The following VPS13C variants were observed in gnomAD, a reference collection of about 807,000 sequenced individuals.
VPS13C encodes the protein intermembrane lipid transfer protein VPS13C.
A neutral mutation model predicts 456.8 loss-of-function variants in VPS13C; 358 were observed. The ratio of observed to expected loss-of-function variants is 0.78; its 90% CI spans 0.72 to 0.86. The LOEUF is 0.86. VPS13C is among the 40% of genes least tolerant of loss of function. The pLI is 0.00. For missense variants in VPS13C, 4,818 were observed against 4,385.4 expected, an observed-to-expected ratio of 1.10 and a Z score of -2.79; for synonymous variants, 1,578 against 1,486.7, an observed-to-expected ratio of 1.06 and a Z score of -1.41.
At chr15:61,876,840 G>A in intron 75 of VPS13C, 133 bp downstream of exon 75, 2 of 592,494 alleles carry the variant, frequency 3.4e-6, no homozygotes, top group Non-Finnish European at 5.4e-6. Context: ...AATCATTGAA[G>A]AAAGCCACTA....
intron 1 of VPS13C, among the ~76,000 whole-genome samples, chr15:62,056,489 G>A (rs2048804350): frequency 6.6e-6 from 1 of 152,158 alleles, no homozygotes; most frequent in South Asian, 2.1e-4. Context: ...CTAGGAAGAC[G>A]CCCGTTGCCG....
intron 66 of VPS13C, among the ~76,000 whole-genome samples, chr15:61,898,159 T>C (rs1469710395): frequency 6.6e-6 from 1 of 151,814 alleles, no homozygotes; most frequent in Non-Finnish European, 1.5e-5. Context: ...TGCCAAAATG[T>C]AAAGACCATC....
chr15:62,023,305 T>A (rs1266854928), intron 8 of VPS13C, 106 bp downstream of exon 8: 6 of 671,748 alleles, frequency 8.9e-6, no homozygotes, highest in Non-Finnish European at 1.4e-5. Context: ...AAGAAAAAAA[T>A]TAATCTCGGA....
At chr15:61,889,635 T>C (rs774338015) in intron 67 of VPS13C, among the ~76,000 whole-genome samples, 7 of 152,184 alleles carry the variant, frequency 4.6e-5, no homozygotes, top group Non-Finnish European at 7.4e-5. Context: ...ACTGGTCCCA[T>C]AACTATTAGA....
intron 69 of VPS13C, 109 bp downstream of exon 69, chr15:61,882,487 A>T: frequency 9.1e-7 from 1 of 1,098,846 alleles, no homozygotes; most frequent in Non-Finnish European, 1.2e-6. Flanking sequence ...ACATACAAAC[A>T]AAGAAAAGAT....
intron 58 of VPS13C, 141 bp from the exon 59 acceptor site, chr15:61,918,398 T>C: frequency 1.3e-6 from 1 of 750,416 alleles, no homozygotes; most frequent in Non-Finnish European, 2.0e-6. Context: ...ATTGAAAAAT[T>C]TTAGGGTATT....
At chr15:61,977,736 T>C (rs539821890) in intron 23 of VPS13C, among the ~76,000 whole-genome samples, 1 of 152,154 alleles carries the variant, frequency 6.6e-6, no homozygotes, top group African/African-American at 2.4e-5. Context: ...CAACAACTAA[T>C]AGAGTTCTAT....
intron 45 of VPS13C, among the ~76,000 whole-genome samples, chr15:61,944,147 T>C (rs534539673): frequency 1.3e-5 from 2 of 152,258 alleles, no homozygotes; most frequent in South Asian, 2.1e-4. Context: ...TAACAGATGC[T>C]AGGGAGACTG....
intron 27 of VPS13C, among the ~76,000 whole-genome samples, chr15:61,971,707 C>CAAT (rs2045562052): frequency 6.6e-6 from 1 of 152,132 alleles, no homozygotes. Flanking sequence ...AAAGGAAGAG[C>CAAT]AATCATCTGA....
Position 61,867,284 on chromosome 15 carries a change from T to A in VPS13C, c.10863+1375A>T, listed in dbSNP as rs914747253. ...CTAAAGGCTGAAAATGTATATAACA[T>A]AATTATAAAATGGCTATCATTTATT... On this transcript the variant is annotated intron_variant, in intron 81 of 84. Transcript: ENST00000644861. This position sits in a 1 kb window ranked among gnomAD's most constrained non-coding sequence, Gnocchi z 5.0. 28 of 984,556 alleles carry A rather than the reference T, an allele frequency of 2.8e-5. No homozygotes were observed. The highest frequency in any genetic ancestry group is 3.3e-5 in the Non-Finnish European group (27 of 829,298). 61.0% of individuals were successfully genotyped at this position (984,556 alleles called of 1,614,324 possible).
chr15:61,874,945 C>G lies in VPS13C; in HGVS notation c.10345G>C (p.Val3449Leu). The G allele has an allele frequency of 1.3e-6, 2 of 1,553,768 alleles. No individual in the cohort carries two copies. Among genetic ancestry groups the G allele is most frequent in the Non-Finnish European group, 1.7e-6 (2 of 1,158,218 alleles). ...TCTGCAAATTCTTCAGGGCCTTGAA[C>G]AGCACCCTGGCAAAAAAAAATAAAA... ...ALFYEPFQGAVQGPEEFAEGL... is the reference protein window; with the variant it reads ...ALFYEPFQGALQGPEEFAEGL... Residue 3449 changes from valine to leucine, a missense_variant, in exon 77 of 85, where the codon GTT (valine) becomes CTT (leucine). Val to Leu is a conservative substitution (Grantham distance 32). Transcript: ENST00000644861.
In VPS13C at chr15:61,991,641, C is replaced by G. The variant is rs141763224; in HGVS notation, c.1483+32G>C. ...TACACAGTTTTTTTTTAACTTAACA[C>G]TGTACAATAAGTTATTTGACTTGGA... On this transcript the variant is annotated intron_variant, in intron 17 of 84. Coordinates refer to ENST00000644861, the MANE Select transcript of VPS13C (RefSeq NM_020821.3). 138 of 1,599,032 alleles carry G rather than the reference C, an allele frequency of 8.6e-5. 1 individual carries two copies. In the East Asian group the frequency reaches 3.1e-3, roughly 36 times the overall value.
chr15:62,049,703 T>C (rs976868437), intron 1 of VPS13C, among the ~76,000 whole-genome samples: 1 of 152,192 alleles, frequency 6.6e-6, no homozygotes, highest in Non-Finnish European at 1.5e-5. Context: ...AGTATGGCCA[T>C]TTTCACAATA....
rs111337227 is a variant in VPS13C, at chr15:61,981,598, C to T, written c.2030-120G>A. ...ATTACAGGTCGGGTGCGGTGGCTCA[C>T]GCCTGTCATCCCAGCACTTTGGGAG... On this transcript the variant is annotated intron_variant, in intron 21 of 84. Coordinates refer to ENST00000644861, the MANE Select transcript of VPS13C (RefSeq NM_020821.3). 70 of 995,070 alleles carry T rather than the reference C, an allele frequency of 7.0e-5. No homozygotes were observed. The African/African-American group carries it at 1.1e-3, about 15-fold the overall frequency. 61.6% of individuals were successfully genotyped at this position (995,070 alleles called of 1,614,324 possible).
At chr15:61,991,853 T>G (rs1311488510) in intron 16 of VPS13C, 51 bp from the exon 17 acceptor site, 1 of 1,575,014 alleles carries the variant, frequency 6.3e-7, no homozygotes, top group African/African-American at 1.4e-5. Context: ...CCCTCTTCAT[T>G]TTCAGGTGTA....
Position 61,867,375 on chromosome 15 carries a change from G to T in VPS13C, c.10863+1284C>A. On this transcript the variant is annotated intron_variant, in intron 81 of 84. Coordinates refer to ENST00000644861, the MANE Select transcript of VPS13C (RefSeq NM_020821.3). The surrounding 1 kb of genome is among the most constrained non-coding windows in gnomAD (Gnocchi z 5.0). ...GAGGAAACATATCCTCAAAATTCAT[G>T]TGCCAACTATTTATTACTTGAGGTC... 6.1e-6 allele frequency: 6 copies of T among 985,430 alleles called. No individual in the cohort carries two copies. Among genetic ancestry groups the T allele is most frequent in the Non-Finnish European group, 7.2e-6 (6 of 829,968 alleles). 61.0% of individuals were successfully genotyped at this position (985,430 alleles called of 1,614,324 possible).
At chr15:61,978,938 A>T (rs1050486692) in intron 22 of VPS13C, among the ~76,000 whole-genome samples, 189 bp from the exon 23 acceptor site, 1 of 152,192 alleles carries the variant, frequency 6.6e-6, no homozygotes, top group African/African-American at 2.4e-5. Context: ...TTCAGCATAC[A>T]TCTCTACTAA....
In VPS13C at chr15:61,881,518, C is replaced by A. The variant is rs776937732; in HGVS notation, c.9776+45G>T. 44 of 1,515,400 alleles carry A rather than the reference C, an allele frequency of 2.9e-5. No individual in the cohort carries two copies. In the South Asian group the frequency reaches 5.6e-4, roughly 19 times the overall value. 93.9% of individuals were successfully genotyped at this position (1,515,400 alleles called of 1,614,324 possible). ...GTAAGATTTATTTTCAAAGTAGATT[C>A]TCATTTTAAATTCTTTTAGAGAAAC... On this transcript the variant is annotated intron_variant, in intron 71 of 84. Transcript: ENST00000644861.
intron 64 of VPS13C, among the ~76,000 whole-genome samples, chr15:61,909,500 C>G (rs1480772315): frequency 1.3e-5 from 2 of 152,210 alleles, no homozygotes; most frequent in African/African-American, 4.8e-5. Context: ...AGCCTCTGCA[C>G]CCGGCCTGTT....
Sources: allele counts gnomAD v4.1 joint callset (sites outside exome capture counted in the v4.1 genomes callset), GRCh38; gene constraint gnomAD v4.1.1; non-coding constraint Gnocchi (gnomAD v3.1); transcripts MANE v1.5; gene names NCBI Gene and HGNC (gene_info 2026-07-23, HGNC 2026-07-21).